KCNMB2: variants seen among roughly 807,000 people sequenced by gnomAD.
The protein encoded by KCNMB2 is calcium-activated potassium channel subunit beta-2.
Under a neutral mutation model 24.5 loss-of-function variants are expected in KCNMB2, and 9 were observed. The ratio of observed to expected loss-of-function variants is 0.37; its 90% CI spans 0.22 to 0.64. The LOEUF (loss-of-function observed/expected upper bound fraction) is 0.64, where lower values mean the gene tolerates loss of function less well. Ranked by LOEUF, KCNMB2 falls within the 30% of genes least tolerant of loss-of-function variation. The probability of loss-of-function intolerance (pLI) is 0.63; values close to 1 mark genes in which losing one functional copy is unlikely to be tolerated. For missense variants in KCNMB2, 226 were observed against 284.3 expected, an observed-to-expected ratio of 0.79 and a Z score of 1.47; for synonymous variants, 109 against 104.4, an observed-to-expected ratio of 1.04 and a Z score of -0.27.
chr3:178,771,258 A>G (rs1560014783), intron 1 of KCNMB2, among the ~76,000 whole-genome samples: 1 of 152,004 alleles, frequency 6.6e-6, no homozygotes, highest in Non-Finnish European at 1.5e-5. Context: ...TACAATGTCA[A>G]AATGGGTCTC....
chr3:178,545,745 G>A (rs1033611791), intron 1 of KCNMB2, among the ~76,000 whole-genome samples: 2 of 149,836 alleles, frequency 1.3e-5, no homozygotes, highest in African/African-American at 2.4e-5. Flanking sequence ...AGAAATTCTG[G>A]AACTATTGGT....
chr3:178,680,028 G>T (rs1721211279), intron 1 of KCNMB2, among the ~76,000 whole-genome samples: 1 of 152,032 alleles, frequency 6.6e-6, no homozygotes, highest in South Asian at 2.1e-4. Context: ...CAGTGGGGAA[G>T]AATCGGCCCC....
chr3:178,727,840 G>T (rs1723012944), intron 1 of KCNMB2, among the ~76,000 whole-genome samples: 1 of 152,190 alleles, frequency 6.6e-6, no homozygotes, highest in African/African-American at 2.4e-5. Flanking sequence ...TACTAAGTTT[G>T]TGGTAATTTG....
At chr3:178,695,592 G>A (rs1401589605) in intron 1 of KCNMB2, among the ~76,000 whole-genome samples, 1 of 152,050 alleles carries the variant, frequency 6.6e-6, no homozygotes, top group African/African-American at 2.4e-5. Flanking sequence ...TCTAGGTCAG[G>A]GGTAAAAAAT....
chr3:178,734,561 T>A (rs1007082232), intron 1 of KCNMB2, among the ~76,000 whole-genome samples: 1 of 152,204 alleles, frequency 6.6e-6, no homozygotes, highest in Admixed American at 6.5e-5. Flanking sequence ...AATGTTGGCA[T>A]GCACAATTCT....
At chr3:178,576,431 C>T (rs916690600) in intron 1 of KCNMB2, among the ~76,000 whole-genome samples, 5 of 152,120 alleles carry the variant, frequency 3.3e-5, no homozygotes, top group African/African-American at 4.8e-5. Context: ...GGGCAGACAC[C>T]GAGCAAGCTG....
intron 1 of KCNMB2, among the ~76,000 whole-genome samples, chr3:178,572,501 CATG>C (rs1560114186): frequency 6.6e-6 from 1 of 152,152 alleles, no homozygotes; most frequent in South Asian, 2.1e-4. Context: ...TTGTTTAGAA[CATG>C]ATATCTAGTA....
chr3:178,831,577 ATG>A (rs1263456514), intron 4 of KCNMB2, among the ~76,000 whole-genome samples: 3 of 152,326 alleles, frequency 2.0e-5, no homozygotes, highest in African/African-American at 7.2e-5. Flanking sequence ...ATGAAAAAGA[ATG>A]AGATCATGTC....
intron 2 of KCNMB2, among the ~76,000 whole-genome samples, chr3:178,816,355 T>C (rs9824836): frequency 0.26 from 40,003 of 151,762 alleles, 7,075 homozygotes; most frequent in African/African-American, 0.51. Flanking sequence ...TAATTCCTGA[T>C]ACTTATTTGG....
intron 1 of KCNMB2, among the ~76,000 whole-genome samples, chr3:178,754,195 C>CACACACAT (rs1553773767): frequency 1.9e-4 from 26 of 137,466 alleles, no homozygotes; most frequent in South Asian, 1.6e-3. Flanking sequence ...CACACACATA[C>CACACACAT]ATATATATAT....
At chr3:178,582,124 A>T (rs192832938) in intron 1 of KCNMB2, among the ~76,000 whole-genome samples, 16 of 152,356 alleles carry the variant, frequency 1.1e-4, no homozygotes, top group Admixed American at 1.0e-3. Context: ...ATGCCCATCA[A>T]TGATAGACTG....
At chr3:178,697,564 C>T (rs374863050) in intron 1 of KCNMB2, among the ~76,000 whole-genome samples, 1 of 152,152 alleles carries the variant, frequency 6.6e-6, no homozygotes, top group Non-Finnish European at 1.5e-5. Flanking sequence ...ATCCAGCTTA[C>T]CTCTCTATGC....
intron 1 of KCNMB2, among the ~76,000 whole-genome samples, chr3:178,616,996 T>A (rs550128236): frequency 3.3e-5 from 5 of 152,166 alleles, no homozygotes; most frequent in African/African-American, 7.2e-5. Context: ...TCTATCTCAC[T>A]GGGGAAATGT....
At chr3:178,675,878 A>G (rs972533592) in intron 1 of KCNMB2, among the ~76,000 whole-genome samples, 3 of 152,198 alleles carry the variant, frequency 2.0e-5, no homozygotes. Context: ...AATAACCTTA[A>G]TAATATCAAC....
At chr3:178,644,778 C>T (rs1485507648) in intron 1 of KCNMB2, among the ~76,000 whole-genome samples, 1 of 152,184 alleles carries the variant, frequency 6.6e-6, no homozygotes, top group Admixed American at 6.5e-5. Flanking sequence ...TGGAGTCACA[C>T]AATCTCAGTA....
chr3:178,573,464 C>T (rs1031166205), intron 1 of KCNMB2, among the ~76,000 whole-genome samples: 31 of 151,970 alleles, frequency 2.0e-4, no homozygotes, highest in African/African-American at 7.5e-4. Context: ...TGGCTGTGTA[C>T]AGTGGGGGCT....
At chr3:178,745,473 G>T (rs1463901528) in intron 1 of KCNMB2, among the ~76,000 whole-genome samples, 1 of 152,152 alleles carries the variant, frequency 6.6e-6, no homozygotes, top group Non-Finnish European at 1.5e-5. Context: ...GATGAAATTT[G>T]GGTGCAGACA....
At chr3:178,829,706 A>G (rs945967912) in intron 4 of KCNMB2, among the ~76,000 whole-genome samples, 1 of 152,184 alleles carries the variant, frequency 6.6e-6, no homozygotes, top group African/African-American at 2.4e-5. Context: ...GGCATCAAAA[A>G]GTGGGACATA....
chr3:178,561,751 A>G (rs752268411), intron 1 of KCNMB2, among the ~76,000 whole-genome samples: 5 of 152,240 alleles, frequency 3.3e-5, no homozygotes, highest in Non-Finnish European at 7.3e-5. Context: ...TTTAGCTATA[A>G]TCTGATATGC....
Sources: gnomAD v4.1 joint callset for allele counts (sites outside exome capture counted in the v4.1 genomes callset) on GRCh38, gnomAD v4.1.1 for gene constraint, MANE v1.5 for transcripts, NCBI Gene and HGNC (gene_info 2026-07-23, HGNC 2026-07-21) for gene names.